DPH1: variants seen among roughly 807,000 people sequenced by gnomAD.
DPH1 encodes the protein 2-(3-amino-3-carboxypropyl)histidine synthase subunit 1.
In DPH1, 59 loss-of-function variants were observed where a neutral mutation model predicts 55.3. The ratio of observed to expected loss-of-function variants is 1.07; its 90% CI spans 0.87 to 1.33. DPH1 has a LOEUF of 1.33. Among genes scored for constraint, DPH1 ranks in the 40% most tolerant of loss-of-function variants. The pLI is 0.00. For synonymous variants in DPH1, 238 were observed against 235.5 expected, an observed-to-expected ratio of 1.01 and a Z score of -0.10; for missense variants, 628 against 584.8, an observed-to-expected ratio of 1.07 and a Z score of -0.76.
At position 2,036,474 on chromosome 17, in the gene DPH1, G is replaced by C; in HGVS notation, c.401-55G>C. 1 of 1,601,050 alleles carries C rather than the reference G, an allele frequency of 6.2e-7. No homozygotes were observed. Among genetic ancestry groups the C allele is most frequent in the Non-Finnish European group, 8.5e-7 (1 of 1,171,650 alleles). Reference sequence around the variant, plus strand: ...CTGCTCAGAGACCTGAGCCTGGCCGGGCCCTCTGCTGCTCCTGCCTTCCCA... The same window carrying C: ...CTGCTCAGAGACCTGAGCCTGGCCGCGCCCTCTGCTGCTCCTGCCTTCCCA... On this transcript the variant is annotated intron_variant, in intron 4 of 12. Transcript: ENST00000263083. This position sits in a 1 kb window ranked among gnomAD's most constrained non-coding sequence, Gnocchi z 4.8.
intron 3 of DPH1, 35 bp from the exon 4 acceptor site, chr17:2,035,935 C>G (rs2067416766): frequency 1.2e-6 from 2 of 1,613,042 alleles, no homozygotes; most frequent in South Asian, 2.2e-5. Context: ...GTCCCTGTGT[C>G]CCTGTCCCAC....
chr17:2,035,080 C>G (rs2151344862), intron 3 of DPH1: 1 of 151,888 alleles, frequency 6.6e-6, no homozygotes. Context: ...GAGGGGGTGA[C>G]TAGCAGGAGC....
intron 1 of DPH1, among the ~76,000 whole-genome samples, chr17:2,031,539 C>A (rs1394205733): frequency 7.9e-6 from 1 of 126,812 alleles, no homozygotes; most frequent in Non-Finnish European, 1.6e-5. Flanking sequence ...TCCAGCCTGG[C>A]CAACAGACAG....
intron 12 of DPH1, 26 bp downstream of exon 12, chr17:2,041,901 C>T (rs1252873514): frequency 2.6e-6 from 4 of 1,548,342 alleles, no homozygotes; most frequent in East Asian, 4.8e-5. Flanking sequence ...CTGGGTGCGC[C>T]CCGCCTTTTG....
At chr17:2,042,075 C>T (rs769738680) in intron 12 of DPH1, 200 bp downstream of exon 12, 2 of 1,561,856 alleles carry the variant, frequency 1.3e-6, no homozygotes, top group Non-Finnish European at 1.7e-6. Flanking sequence ...CCTGCGGGTC[C>T]TGTGCCTGGC....
At chr17:2,041,341 G>A (rs1310334913) in intron 10 of DPH1, 140 bp from the exon 11 acceptor site, 15 of 1,460,960 alleles carry the variant, frequency 1.0e-5, no homozygotes, top group Non-Finnish European at 1.3e-5. Flanking sequence ...TGTAGCCTTA[G>A]GCAAGGCCCT....
rs754077305 is a variant in DPH1 at position 2,042,949 on chromosome 17, G to T, written c.*363G>T. 1.7e-5 allele frequency: 28 copies of T among 1,614,020 alleles called. No homozygotes were observed. Among genetic ancestry groups the T allele is most frequent in the Non-Finnish European group, 2.1e-5 (25 of 1,180,038 alleles). On this transcript the variant is annotated 3_prime_UTR_variant, in exon 13 of 13. Coordinates refer to ENST00000263083, the MANE Select transcript of DPH1 (RefSeq NM_001383.6). ...ATTGCCTTCGCTCCATGTTTTTGGG[G>T]ACACTGACAAAGTCATCCCCTCTCA...
At position 2,042,171 on chromosome 17, in the gene DPH1, C is replaced by T. The variant is rs751196587; in HGVS notation, c.*18+296C>T. ...GCGGGGTCGCGCCGAGCTCGTGTGC[C>T]TCAGCGGCCCGCACCCGGTCCCCGA... is the stretch of plus-strand genomic sequence containing the variant. On this transcript the variant is annotated intron_variant, in intron 12 of 12. Coordinates refer to ENST00000263083, the MANE Select transcript of DPH1 (RefSeq NM_001383.6). 1.8e-5 allele frequency: 27 copies of T among 1,462,456 alleles called. No homozygotes were observed. Among genetic ancestry groups the T allele is most frequent in the South Asian group, 2.7e-5 (2 of 74,352 alleles). 90.6% of individuals were successfully genotyped at this position (1,462,456 alleles called of 1,614,324 possible). A position where few individuals can be genotyped will look rare whatever the true frequency, so the allele number is the denominator to read the frequency against.
chr17:2,036,583 T>C lies in DPH1; in HGVS notation c.455T>C (p.Ile152Thr), dbSNP rs770297106. 1.2e-6 allele frequency: 2 copies of C among 1,614,102 alleles called. No homozygotes were observed. Among genetic ancestry groups the C allele is most frequent in the Non-Finnish European group, 1.7e-6 (2 of 1,180,012 alleles). Residue 152 changes from isoleucine to threonine, a missense_variant, in exon 5 of 13, where the codon ATC (isoleucine) becomes ACC (threonine). Coordinates refer to ENST00000263083, the MANE Select transcript of DPH1 (RefSeq NM_001383.6). The surrounding 1 kb of genome is among the most constrained non-coding windows in gnomAD (Gnocchi z 4.8). ...DFRVLYVFVD[I>T]RIDTTHLLDS... The stretch of plus-strand genomic sequence containing the variant: ...CGGGTGCTGTACGTCTTTGTGGACA[T>C]CCGGATAGACACTACACACCTCCTG...
chr17:2,040,725 C>T, intron 9 of DPH1, 120 bp downstream of exon 9: 1 of 1,173,760 alleles, frequency 8.5e-7, no homozygotes, highest in Non-Finnish European at 1.2e-6. Context: ...TTACTGTTTA[C>T]AGAGACCTCC....
At chr17:2,042,013 GCTTC>G (rs1429590606) in intron 12 of DPH1, 138 bp downstream of exon 12, 1 of 1,491,198 alleles carries the variant, frequency 6.7e-7, no homozygotes, top group Admixed American at 2.2e-5. Context: ...GGGAAAGACC[GCTTC>G]CGGTGCTTCC....
rs2067433133 is a variant in DPH1, at chr17:2,036,752, G to T, written c.558+66G>T. 6.2e-7 allele frequency: 1 copy of T among 1,608,204 alleles called. No individual in the cohort carries two copies. The highest frequency in any genetic ancestry group is 1.1e-5 in the South Asian group (1 of 90,552). On this transcript the variant is annotated intron_variant, in intron 5 of 12. Coordinates refer to ENST00000263083, the MANE Select transcript of DPH1 (RefSeq NM_001383.6). The surrounding 1 kb of genome is among the most constrained non-coding windows in gnomAD (Gnocchi z 4.8). ...AGCGGCCACTCTCCAGCTGTTGCGG[G>T]ATCCCCAGGTGCTCCAGGCTGTTTC...
chr17:2,042,054 G>T, intron 12 of DPH1, 179 bp downstream of exon 12: 1 of 1,530,502 alleles, frequency 6.5e-7, no homozygotes, highest in Non-Finnish European at 8.7e-7. Context: ...CATAATGGCC[G>T]CGCAGCGACC....
intron 6 of DPH1, among the ~76,000 whole-genome samples, chr17:2,038,597 A>T (rs1230366248): frequency 6.6e-6 from 1 of 152,194 alleles, no homozygotes; most frequent in African/African-American, 2.4e-5. Context: ...TGACCTGTAC[A>T]TGCGAGGGAT....
chr17:2,033,159 T>G (rs1430242067), intron 1 of DPH1, among the ~76,000 whole-genome samples: 1 of 152,292 alleles, frequency 6.6e-6, no homozygotes, highest in East Asian at 1.9e-4. Flanking sequence ...CAGCAATTAG[T>G]TGGCATTTTT....
chr17:2,036,313 C>CTGTTGGT lies in DPH1; in HGVS notation c.401-212_401-206dup. 1 of 1,070,954 alleles carries CTGTTGGT rather than the reference C, an allele frequency of 9.3e-7. No individual in the cohort carries two copies. The highest frequency in any genetic ancestry group is 1.3e-6 in the Non-Finnish European group (1 of 765,774). The allele number at this position is 1,070,954 out of a possible 1,614,324, so 66.3% of individuals were successfully genotyped here. A position where few individuals can be genotyped will look rare whatever the true frequency, so the allele number is the denominator to read the frequency against. On this transcript the variant is annotated intron_variant, in intron 4 of 12. Transcript: ENST00000263083. This position sits in a 1 kb window ranked among gnomAD's most constrained non-coding sequence, Gnocchi z 4.8. The stretch of plus-strand genomic sequence containing the variant: ...GTCCCAGATGCAGGTGTTTGAAAGG[C>CTGTTGGT]TGTTGGTTGTAGAGCAGGCTGGGCC...
At chr17:2,039,909 T>C (rs1314186030) in intron 7 of DPH1, 86 bp downstream of exon 7, 1 of 1,583,436 alleles carries the variant, frequency 6.3e-7, no homozygotes, top group East Asian at 2.2e-5. Context: ...GCATCCCCAT[T>C]TCCTGGCCAC....
At chr17:2,039,527 G>A (rs564596579) in intron 6 of DPH1, 51 of 477,338 alleles carry the variant, frequency 1.1e-4, no homozygotes, top group Admixed American at 5.2e-4. Context: ...ACAGGCGCCC[G>A]TCACCACACC....
Position 2,030,166 on chromosome 17 carries a change from G to T in DPH1, c.-4G>T. The T allele has an allele frequency of 6.2e-7, 1 of 1,602,892 alleles. No individual in the cohort carries two copies. Among genetic ancestry groups the T allele is most frequent in the Non-Finnish European group, 8.5e-7 (1 of 1,175,770 alleles). ...CTTTTTAGTACCACATGCGCAGGCA[G>T]GTGATGGCGGCGCTGGTCGTATCCG... is the stretch of plus-strand genomic sequence containing the variant. On this transcript the variant is annotated 5_prime_UTR_variant, in exon 1 of 13. In the 5' UTR this introduces an upstream ATG that the reference lacks. Transcript: ENST00000263083.
Sources: gnomAD v4.1 joint callset for allele counts (sites outside exome capture counted in the v4.1 genomes callset) on GRCh38, gnomAD v4.1.1 for gene constraint, Gnocchi (gnomAD v3.1) non-coding constraint, MANE v1.5 for transcripts, NCBI Gene and HGNC (gene_info 2026-07-23, HGNC 2026-07-21) for gene names.